Variants in CR1 observed in about 807,000 individuals in gnomAD.
The protein encoded by CR1 is complement receptor type 1.
Under a neutral mutation model 187.3 loss-of-function variants are expected in CR1, and 116 were observed. The ratio of observed to expected loss-of-function variants is 0.62; its 90% confidence interval spans 0.53 to 0.72. CR1 has a LOEUF of 0.72. CR1 is among the 30% of genes least tolerant of loss of function. The pLI is 0.00. For missense variants in CR1, 1,731 were observed against 2,110.7 expected, an observed-to-expected ratio of 0.82 and a Z score of 3.52; for synonymous variants, 576 against 747.1, an observed-to-expected ratio of 0.77 and a Z score of 3.73.
At chr1:207,612,682 G>C (rs557023605) in intron 39 of CR1, among the ~76,000 whole-genome samples, 1 of 152,192 alleles carries the variant, frequency 6.6e-6, no homozygotes, top group Non-Finnish European at 1.5e-5. Flanking sequence ...CTCTGACTGG[G>C]ACCCTGGGGC....
At chr1:207,523,313 TA>T (rs1049173674) in intron 4 of CR1, among the ~76,000 whole-genome samples, 9 of 152,066 alleles carry the variant, frequency 5.9e-5, no homozygotes, top group African/African-American at 2.2e-4. Context: ...CGGAAAAGAG[TA>T]GGAGAAAACT....
chr1:207,622,091 G>A (rs1418128229), intron 44 of CR1, 95 bp downstream of exon 44: 3 of 999,484 alleles, frequency 3.0e-6, no homozygotes, highest in Non-Finnish European at 2.9e-6. Flanking sequence ...AGATCAAAAT[G>A]TCTTGAGGTG....
At chr1:207,601,241 G>A (rs537637874) in intron 35 of CR1, among the ~76,000 whole-genome samples, 1 of 152,140 alleles carries the variant, frequency 6.6e-6, no homozygotes, top group African/African-American at 2.4e-5. Flanking sequence ...ACATAAGCCT[G>A]TTGATATTGA....
Position 207,523,764 on chromosome 1 carries a change from A to G in CR1, c.641A>G (p.Tyr214Cys), listed in dbSNP as rs2102307188. The G allele has an allele frequency of 6.2e-7, 1 of 1,611,996 alleles. No individual in the cohort carries two copies. The highest frequency in any genetic ancestry group is 2.2e-5 in the East Asian group (1 of 44,882). ...GAGCTTGTGGGTGAGCCCTCCATAT[A>G]CTGCACCAGCAATGACGATCAAGTG... ...VFELVGEPSI[Y>C]CTSNDDQVGI... is the part of the protein sequence containing the mutation. Residue 214 changes from tyrosine to cysteine, a missense_variant, in exon 5 of 47, where the codon TAC becomes TGC. Around this residue, in one of 5 missense-constraint regions of CR1, gnomAD observed 131 missense variants for 196.8 expected, o/e 0.67. Coordinates refer to ENST00000367049, the MANE Select transcript of CR1 (RefSeq NM_000651.6).
At chr1:207,617,231 G>A (rs1258425539) in intron 41 of CR1, among the ~76,000 whole-genome samples, 10 of 151,696 alleles carry the variant, frequency 6.6e-5, no homozygotes, top group South Asian at 4.2e-4. Context: ...AACTGATAAC[G>A]CTATAAAAGT....
chr1:207,586,355 T>C (rs996590742), intron 33 of CR1, among the ~76,000 whole-genome samples: 1 of 152,172 alleles, frequency 6.6e-6, no homozygotes, highest in African/African-American at 2.4e-5. Flanking sequence ...AGGCTGGTCT[T>C]GAACTCCTGG....
intron 46 of CR1, among the ~76,000 whole-genome samples, chr1:207,637,156 G>A (rs1296168234): frequency 6.6e-6 from 1 of 152,142 alleles, no homozygotes; most frequent in Admixed American, 6.5e-5. Context: ...TTGGTCTTGG[G>A]GTAGAGATTC....
intron 35 of CR1, among the ~76,000 whole-genome samples, chr1:207,593,118 A>G (rs1291533543): frequency 6.8e-6 from 1 of 147,898 alleles, no homozygotes; most frequent in Non-Finnish European, 1.5e-5. Flanking sequence ...TTTAAACTTC[A>G]TATGGAACCA....
chr1:207,573,529 T>A (rs1660642798), intron 27 of CR1, among the ~76,000 whole-genome samples: 1 of 151,900 alleles, frequency 6.6e-6, no homozygotes, highest in Non-Finnish European at 1.5e-5. Flanking sequence ...AGGAAATACA[T>A]GTAAAAGAGA....
intron 4 of CR1, among the ~76,000 whole-genome samples, chr1:207,514,375 AT>A (rs1245510868): frequency 6.6e-6 from 1 of 152,102 alleles, no homozygotes; most frequent in Non-Finnish European, 1.5e-5. Context: ...TCCACCCCAA[AT>A]CCATATGTTG....
At chr1:207,630,143 C>T (rs1558281306) in intron 45 of CR1, among the ~76,000 whole-genome samples, 1 of 152,152 alleles carries the variant, frequency 6.6e-6, no homozygotes, top group Non-Finnish European at 1.5e-5. Flanking sequence ...AAGGAAGCCT[C>T]GTGTAACACT....
intron 45 of CR1, among the ~76,000 whole-genome samples, chr1:207,623,642 T>A: frequency 6.8e-6 from 1 of 146,928 alleles, no homozygotes; most frequent in African/African-American, 2.5e-5. Context: ...ACACACAGCA[T>A]TTTAAGAAGG....
chr1:207,510,722 TCCCCTTC>T (rs1371271327), intron 3 of CR1, among the ~76,000 whole-genome samples: 1 of 103,416 alleles, frequency 9.7e-6, no homozygotes, highest in Admixed American at 9.6e-5. Flanking sequence ...TAGTTATGTA[TCCCCTTC>T]CTTCCTTCCT....
chr1:207,581,311 T>C (rs1660941368), intron 31 of CR1, among the ~76,000 whole-genome samples: 2 of 149,570 alleles, frequency 1.3e-5, no homozygotes, highest in Admixed American at 6.6e-5. Context: ...TGGACACGTA[T>C]ATGTATACGT....
intron 4 of CR1, among the ~76,000 whole-genome samples, chr1:207,517,164 C>T (rs1306348529): frequency 6.6e-6 from 1 of 152,032 alleles, no homozygotes; most frequent in Admixed American, 6.6e-5. Context: ...CTTTTTCACT[C>T]TGTTAATGTA....
chr1:207,577,071 T>A (rs1660770201), intron 28 of CR1, among the ~76,000 whole-genome samples: 1 of 151,794 alleles, frequency 6.6e-6, no homozygotes, highest in Non-Finnish European at 1.5e-5. Context: ...GCCAACATGG[T>A]GAAACCCCAT....
intron 35 of CR1, among the ~76,000 whole-genome samples, chr1:207,595,396 C>T (rs1279265363): frequency 6.6e-6 from 1 of 151,988 alleles, no homozygotes; most frequent in African/African-American, 2.4e-5. Flanking sequence ...GCTTACTAGA[C>T]AAATCAAGAT....
rs2102329312 is a variant in CR1, at chr1:207,570,094, GAT to G, written c.4451+150_4451+151del. 1.3e-5 allele frequency: 4 copies of G among 316,318 alleles called. 1 individual carries two copies. In the East Asian group the frequency reaches 2.7e-4, roughly 21 times the overall value. The allele number at this position is 316,318 out of a possible 1,614,324, so 19.6% of individuals were successfully genotyped here. ...TTAACTCCTGATTGAAATGAACAAA[GAT>G]AGGAGAAGATTAGGGGGAAAATCTG... is the stretch of plus-strand genomic sequence containing the variant. On this transcript the variant is annotated intron_variant, in intron 27 of 46. Coordinates refer to ENST00000367049, the MANE Select transcript of CR1 (RefSeq NM_000651.6).
chr1:207,525,974 A>G (rs1038382303), intron 5 of CR1, among the ~76,000 whole-genome samples: 54 of 152,246 alleles, frequency 3.5e-4, no homozygotes, highest in African/African-American at 1.3e-3. Context: ...TTTCCATTTT[A>G]TAACAGTTTT....
Sources: allele counts gnomAD v4.1 joint callset (sites outside exome capture counted in the v4.1 genomes callset), GRCh38; gene constraint gnomAD v4.1.1; regional missense constraint gnomAD v4.1.1; transcripts MANE v1.5; gene names NCBI Gene and HGNC (gene_info 2026-07-23, HGNC 2026-07-21).